HS3ST2: variants seen among roughly 807,000 people sequenced by gnomAD.
HS3ST2 encodes heparan sulfate-glucosamine 3-sulfotransferase 2, also known as heparan sulfate glucosamine 3-O-sulfotransferase 2.
HS3ST2 carries 17 observed loss-of-function variants against 26.3 expected under a neutral mutation model. That is an observed-to-expected ratio of 0.65 (90% CI 0.44 to 0.97). The LOEUF (loss-of-function observed/expected upper bound fraction) is 0.97. Ranked by LOEUF, HS3ST2 falls within the 50% of genes least tolerant of loss-of-function variation. The pLI is 0.00. For missense variants in HS3ST2, 402 were observed against 501.2 expected (o/e 0.80, Z 1.89); for synonymous variants, 237 against 219.2 (o/e 1.08, Z -0.72).
intron 1 of HS3ST2, among the ~76,000 whole-genome samples, chr16:22,841,902 C>T (rs1368158348): frequency 6.6e-6 from 1 of 152,026 alleles, no homozygotes; most frequent in Non-Finnish European, 1.5e-5. Context: ...TGATTATTCT[C>T]TTATAGACCC....
rs1900837093 is a variant in HS3ST2, at chr16:22,814,875, CCCG to C, written c.275_277del (p.Ala92del). 1.3e-6 allele frequency: 2 copies of C among 1,558,490 alleles called. No homozygotes were observed. The highest frequency in any genetic ancestry group is 1.9e-5 in the Admixed American group (1 of 51,622). ...CAGCGAGCCCAGCGCTCCCAGCGCG[CCCG>C]CCGCCGCCGTGCCCGCCCCTCGCCT... On this transcript the variant is annotated inframe_deletion, in exon 1 of 2. Transcript: ENST00000261374.
chr16:22,892,435 A>G lies in HS3ST2; in HGVS notation c.486-22509A>G, dbSNP rs565688123. ...CAAATACACAGACCAGTTATTGTGC[A>G]TATGAAGTATTTTCTGACTTTTTTA... On this transcript the variant is annotated intron_variant, in intron 1 of 1. Transcript: ENST00000261374. Among the ~76,000 whole-genome samples, 77 of 152,306 alleles carry G rather than the reference A, an allele frequency of 5.1e-4. 1 individual carries two copies. The highest frequency in any genetic ancestry group is 1.8e-3 in the African/African-American group (73 of 41,582).
At chr16:22,868,139 G>T (rs1441710427) in intron 1 of HS3ST2, among the ~76,000 whole-genome samples, 6 of 152,118 alleles carry the variant, frequency 3.9e-5, no homozygotes, top group Non-Finnish European at 7.4e-5. Context: ...TGGGCATGGT[G>T]GCCCACACCT....
At chr16:22,837,154 G>A (rs1901269343) in intron 1 of HS3ST2, among the ~76,000 whole-genome samples, 1 of 150,422 alleles carries the variant, frequency 6.6e-6, no homozygotes, top group South Asian at 2.1e-4. Context: ...TAGAAACGGA[G>A]CCTCTAAAGT....
chr16:22,903,093 G>T (rs1902302162), intron 1 of HS3ST2, among the ~76,000 whole-genome samples: 1 of 151,676 alleles, frequency 6.6e-6, no homozygotes, highest in Admixed American at 6.6e-5. Context: ...TTTCCTTCAT[G>T]ATTTTTGTCT....
At chr16:22,882,230 T>G (rs979618683) in intron 1 of HS3ST2, among the ~76,000 whole-genome samples, 29 of 152,056 alleles carry the variant, frequency 1.9e-4, no homozygotes, top group African/African-American at 7.0e-4. Flanking sequence ...GGCATGGCGG[T>G]GCACACCTGT....
At chr16:22,847,535 G>A (rs756235471) in intron 1 of HS3ST2, among the ~76,000 whole-genome samples, 3 of 152,084 alleles carry the variant, frequency 2.0e-5, no homozygotes, top group South Asian at 2.1e-4. Flanking sequence ...AACAATATAC[G>A]TGTTGCAAGA....
At chr16:22,843,576 C>T (rs541884279) in intron 1 of HS3ST2, among the ~76,000 whole-genome samples, 14 of 152,140 alleles carry the variant, frequency 9.2e-5, no homozygotes, top group Non-Finnish European at 1.8e-4. Context: ...TTAAATGATG[C>T]AAATAAATAG....
At chr16:22,886,382 G>A (rs62049083) in intron 1 of HS3ST2, among the ~76,000 whole-genome samples, 787 of 152,288 alleles carry the variant, frequency 5.2e-3, no homozygotes, top group Middle Eastern at 0.01. Context: ...ACAGGGCCTG[G>A]ATGACCCATA....
intron 1 of HS3ST2, among the ~76,000 whole-genome samples, chr16:22,838,289 T>G (rs1054678663): frequency 3.9e-5 from 6 of 152,030 alleles, no homozygotes; most frequent in Admixed American, 3.9e-4. Context: ...CGACCCAGGA[T>G]TTTGAAGGCT....
chr16:22,841,070 T>A (rs568145878), intron 1 of HS3ST2, among the ~76,000 whole-genome samples: 1 of 150,080 alleles, frequency 6.7e-6, no homozygotes, highest in Non-Finnish European at 1.5e-5. Context: ...CGGTGTTTGG[T>A]TTTTTGTCCT....
rs1901590089 is a variant in HS3ST2, at chr16:22,856,105, ATTC to A, written c.485+41012_485+41014del. On this transcript the variant is annotated intron_variant, in intron 1 of 1. Transcript: ENST00000261374. ...ACATTACAGAAGAATTCTCCACTTA[ATTC>A]TGCAAAAGCACTCTGCTTCCTAAGT... Among the ~76,000 whole-genome samples the A allele has an allele frequency of 1.3e-5, 2 of 152,196 alleles. 1 individual carries two copies. The highest frequency in any genetic ancestry group is 4.1e-4 in the South Asian group (2 of 4,830).
At position 22,814,915 on chromosome 16, in the gene HS3ST2, A is replaced by C; in HGVS notation, c.305A>C (p.Asn102Thr). The change falls in exon 1 of 2, where the codon AAC (asparagine) becomes ACC (threonine). Residue 102 changes from asparagine to threonine, a missense_variant. Asn to Thr is a moderately conservative substitution (Grantham distance 65, BLOSUM62 0). Coordinates refer to ENST00000261374, the MANE Select transcript of HS3ST2 (RefSeq NM_006043.2). ...AVPAPRLSGS[N>T]HSGSPKLGTK... ...CCCGCCCCTCGCCTCTCCGGTTCCA[A>C]CCACTCCGGCTCACCCAAGCTGGGT... 6.3e-7 allele frequency: 1 copy of C among 1,596,356 alleles called. No homozygotes were observed. Among genetic ancestry groups the C allele is most frequent in the South Asian group, 1.1e-5 (1 of 88,470 alleles).
At chr16:22,815,315 C>T (rs1043962976) in intron 1 of HS3ST2, among the ~76,000 whole-genome samples, 3 of 152,234 alleles carry the variant, frequency 2.0e-5, no homozygotes, top group Non-Finnish European at 4.4e-5. Context: ...TCCCTCGTCA[C>T]TGGAGTCGTT....
chr16:22,847,336 T>C (rs2141184361), intron 1 of HS3ST2, among the ~76,000 whole-genome samples: 1 of 152,326 alleles, frequency 6.6e-6, no homozygotes, highest in South Asian at 2.1e-4. Flanking sequence ...CTGCATAGAA[T>C]TCCATGGTGT....
chr16:22,896,132 A>G (rs564302361), intron 1 of HS3ST2, among the ~76,000 whole-genome samples: 2 of 152,120 alleles, frequency 1.3e-5, no homozygotes, highest in Non-Finnish European at 2.9e-5. Flanking sequence ...TAAAAGCATA[A>G]TGTTGACATT....
chr16:22,814,887 G>T lies in HS3ST2; in HGVS notation c.277G>T (p.Val93Leu), dbSNP rs1048864724. The T allele has an allele frequency of 6.4e-7, 1 of 1,563,350 alleles. No individual in the cohort carries two copies. Among genetic ancestry groups the T allele is most frequent in the Non-Finnish European group, 8.7e-7 (1 of 1,154,940 alleles). The change falls in exon 1 of 2, where the codon GTG (valine) becomes TTG (leucine). Residue 93 changes from valine (V) to leucine (L), a missense_variant. Val to Leu is a conservative substitution (Grantham distance 32). Around this residue, in one of 2 missense-constraint regions of HS3ST2, gnomAD observed 165 missense variants for 154.6 expected, o/e 1.07. Transcript: ENST00000261374. The part of the protein sequence containing the change: ...PSAPSAPAAA[V>L]PAPRLSGSNH... ...CGCTCCCAGCGCGCCCGCCGCCGCC[G>T]TGCCCGCCCCTCGCCTCTCCGGTTC...
chr16:22,830,469 C>T (rs1901152577), intron 1 of HS3ST2, among the ~76,000 whole-genome samples: 1 of 152,200 alleles, frequency 6.6e-6, no homozygotes, highest in South Asian at 2.1e-4. Context: ...CAGTACTTTG[C>T]ACCTGTAGAA....
At chr16:22,829,004 A>G (rs1899572766) in intron 1 of HS3ST2, among the ~76,000 whole-genome samples, 1 of 152,222 alleles carries the variant, frequency 6.6e-6, no homozygotes. Flanking sequence ...TACTCAGGTC[A>G]GAGCCACTTA....
Sources: allele counts gnomAD v4.1 joint callset (sites outside exome capture counted in the v4.1 genomes callset), GRCh38; gene constraint gnomAD v4.1.1; regional missense constraint gnomAD v4.1.1; transcripts MANE v1.5; gene names NCBI Gene and HGNC (gene_info 2026-07-23, HGNC 2026-07-21).